The following JPH3 variants were observed in gnomAD, a reference collection of about 807,000 sequenced individuals.
The protein encoded by JPH3 is junctophilin-3.
Under a neutral mutation model 59.6 loss-of-function variants are expected in JPH3, and 11 were observed. That is an observed-to-expected ratio of 0.18 (90% confidence interval 0.12 to 0.31). The LOEUF is 0.31. Among genes scored for constraint, JPH3 ranks in the 10% least tolerant of loss-of-function variants. JPH3 has a pLI of 1.00. For synonymous variants in JPH3, 673 were observed against 483.6 expected, an observed-to-expected ratio of 1.39 and a Z score of -5.14; for missense variants, 1,202 against 1,105.7, an observed-to-expected ratio of 1.09 and a Z score of -1.24.
chr16:87,690,624 CCT>C (rs1488677726), intron 4 of JPH3, 98 bp downstream of exon 4: 12 of 1,267,052 alleles, frequency 9.5e-6, no homozygotes, highest in Non-Finnish European at 1.0e-5. Context: ...TCACTGCTCC[CCT>C]GTTCCTCTCC....
chr16:87,687,469 C>T (rs750559602), intron 3 of JPH3, among the ~76,000 whole-genome samples: 25 of 152,188 alleles, frequency 1.6e-4, no homozygotes, highest in Non-Finnish European at 2.8e-4. Flanking sequence ...GAACTCTGAC[C>T]GTCAGGGTTC....
chr16:87,679,602 G>A (rs2033234631), intron 2 of JPH3, among the ~76,000 whole-genome samples: 3 of 151,894 alleles, frequency 2.0e-5, no homozygotes, highest in Admixed American at 2.0e-4. Flanking sequence ...CTTGTCCCCC[G>A]GACGCATTCA....
chr16:87,657,161 G>A (rs569277833), intron 2 of JPH3, among the ~76,000 whole-genome samples: 51 of 152,330 alleles, frequency 3.3e-4, no homozygotes, highest in African/African-American at 1.2e-3. Flanking sequence ...CACCCTGCCT[G>A]TGGGTGAGCC....
intron 2 of JPH3, among the ~76,000 whole-genome samples, chr16:87,681,133 C>T (rs1280538113): frequency 2.0e-5 from 3 of 151,458 alleles, no homozygotes; most frequent in African/African-American, 4.8e-5. Context: ...GTCAGGTGCG[C>T]GCGGTGATGA....
chr16:87,649,600 C>T (rs1479662852), intron 2 of JPH3, among the ~76,000 whole-genome samples: 1 of 152,140 alleles, frequency 6.6e-6, no homozygotes, highest in African/African-American at 2.4e-5. Flanking sequence ...TTTTCAACAG[C>T]TGAGACCCTC....
At chr16:87,618,089 G>A (rs1285222723) in intron 1 of JPH3, among the ~76,000 whole-genome samples, 1 of 152,148 alleles carries the variant, frequency 6.6e-6, no homozygotes, top group African/African-American at 2.4e-5. Context: ...ACTTCAGCCC[G>A]GGAGGTGCAG....
chr16:87,656,431 G>T (rs2032503990), intron 2 of JPH3, among the ~76,000 whole-genome samples: 1 of 152,232 alleles, frequency 6.6e-6, no homozygotes, highest in Non-Finnish European at 1.5e-5. Context: ...TCAGCTTCCT[G>T]TGGGAATGGG....
At chr16:87,661,928 A>G (rs1342949338) in intron 2 of JPH3, among the ~76,000 whole-genome samples, 1 of 152,248 alleles carries the variant, frequency 6.6e-6, no homozygotes, top group African/African-American at 2.4e-5. Context: ...AGGGGCACGT[A>G]CGCCACCACT....
intron 1 of JPH3, among the ~76,000 whole-genome samples, chr16:87,630,653 C>T (rs1000429066): frequency 1.3e-5 from 2 of 152,142 alleles, no homozygotes; most frequent in Non-Finnish European, 2.9e-5. Flanking sequence ...TATTATGTGC[C>T]CATAGTTTAA....
At chr16:87,639,768 G>C (rs2031882613) in intron 1 of JPH3, among the ~76,000 whole-genome samples, 1 of 152,162 alleles carries the variant, frequency 6.6e-6, no homozygotes, top group Admixed American at 6.5e-5. Context: ...CACAGGATTT[G>C]TCCCTTCCAG....
intron 1 of JPH3, among the ~76,000 whole-genome samples, chr16:87,618,811 C>T (rs181222118): frequency 4.6e-5 from 7 of 152,140 alleles, no homozygotes; most frequent in South Asian, 2.1e-4. Flanking sequence ...TATTTCAGGC[C>T]GGGCGCAGTG....
At position 87,684,235 on chromosome 16, in the gene JPH3, G is replaced by T. The variant is rs761681920; in HGVS notation, c.1254G>T (p.Glu418Asp). Residue 418 changes from glutamate (E) to aspartate (D), a missense_variant, in exon 3 of 5, where the codon GAG becomes GAT. Physicochemically the swap from Glu to Asp is conservative, Grantham distance 45 (BLOSUM62 2). Coordinates refer to ENST00000284262, the MANE Select transcript of JPH3 (RefSeq NM_020655.4). ...GGATCGCCAGGATCACTGCCAAAGA[G>T]TTCTCCCCTTCCTTCCAGCACCGGG... is the stretch of plus-strand genomic sequence containing the variant. ...EARIARITAK[E>D]FSPSFQHREN... 6.2e-7 allele frequency: 1 copy of T among 1,613,992 alleles called. No individual in the cohort carries two copies. The highest frequency in any genetic ancestry group is 2.2e-5 in the East Asian group (1 of 44,880).
intron 4 of JPH3, among the ~76,000 whole-genome samples, chr16:87,691,918 AT>A (rs1567617402): frequency 6.6e-6 from 1 of 152,074 alleles, no homozygotes; most frequent in East Asian, 1.9e-4. Context: ...GACGGGTTCT[AT>A]TTTTAGCCTG....
intron 2 of JPH3, among the ~76,000 whole-genome samples, chr16:87,645,454 T>A (rs1398438227): frequency 1.3e-5 from 2 of 151,834 alleles, no homozygotes; most frequent in Admixed American, 1.3e-4. Context: ...CTGTGGGAGG[T>A]GGCTAGGAGC....
chr16:87,618,703 C>T (rs1425678329), intron 1 of JPH3, among the ~76,000 whole-genome samples: 1 of 152,206 alleles, frequency 6.6e-6, no homozygotes, highest in Non-Finnish European at 1.5e-5. Flanking sequence ...GATGGATTTC[C>T]TGGAGGCTGG....
chr16:87,641,307 GGAGGTTGCTTTTGATGTTGATGGCAGT>G (rs1254280256), intron 1 of JPH3, among the ~76,000 whole-genome samples: 13 of 152,300 alleles, frequency 8.5e-5, no homozygotes, highest in African/African-American at 2.4e-4. Context: ...CACTGGAGTC[GGAGGTTGCTTTTGATGTTGATGGCAGT>G]GAGGTTGCTT....
intron 1 of JPH3, among the ~76,000 whole-genome samples, chr16:87,631,150 A>G (rs1354696910): frequency 6.6e-6 from 1 of 152,136 alleles, no homozygotes. Flanking sequence ...ATGTACAAAT[A>G]CGTTTGTTTA....
intron 1 of JPH3, among the ~76,000 whole-genome samples, chr16:87,616,225 TGTGTGTGTGTGTA>T (rs1420308242): frequency 2.5e-4 from 37 of 146,212 alleles, no homozygotes; most frequent in East Asian, 1.8e-3. Context: ...TGTGTGTGTG[TGTGTGTGTGTGTA>T]TTTTTTTTTT....
intron 1 of JPH3, among the ~76,000 whole-genome samples, chr16:87,610,680 G>T (rs1233161811): frequency 1.3e-5 from 2 of 152,166 alleles, no homozygotes; most frequent in African/African-American, 4.8e-5. Context: ...ATTAAAACAT[G>T]CCTGTTCTAA....
Sources: gnomAD v4.1 joint callset for allele counts (sites outside exome capture counted in the v4.1 genomes callset) on GRCh38, gnomAD v4.1.1 for gene constraint, MANE v1.5 for transcripts, NCBI Gene and HGNC (gene_info 2026-07-23, HGNC 2026-07-21) for gene names.